Variants in FBXL17 observed in about 807,000 individuals in gnomAD.
FBXL17 encodes F-box and leucine rich repeat protein 17.
In FBXL17, 22 loss-of-function variants were observed where a neutral mutation model predicts 66.2. That is an observed-to-expected ratio of 0.33 (90% CI 0.24 to 0.47). The LOEUF (loss-of-function observed/expected upper bound fraction) is 0.47. Among genes scored for constraint, FBXL17 ranks in the 20% least tolerant of loss-of-function variants. The probability of loss-of-function intolerance (pLI) is 1.00; values close to 1 mark genes in which losing one functional copy is unlikely to be tolerated. For synonymous variants in FBXL17, 474 were observed against 400.5 expected (o/e 1.18, Z -2.19); for missense variants, 878 against 948.2 (o/e 0.93, Z 0.97).
intron 7 of FBXL17, among the ~76,000 whole-genome samples, chr5:107,903,255 C>T (rs893459280): frequency 1.3e-5 from 2 of 152,094 alleles, no homozygotes; most frequent in African/African-American, 4.8e-5. Context: ...TTACTTGATA[C>T]ACCTTTAAAA....
chr5:107,903,384 C>T (rs577560708), intron 7 of FBXL17, among the ~76,000 whole-genome samples: 2 of 152,248 alleles, frequency 1.3e-5, no homozygotes, highest in South Asian at 2.1e-4. Flanking sequence ...GAAACAGTAT[C>T]TCATCCTCAC....
At chr5:108,326,410 T>C (rs1759854371) in intron 4 of FBXL17, among the ~76,000 whole-genome samples, 1 of 151,616 alleles carries the variant, frequency 6.6e-6, no homozygotes, top group Admixed American at 6.6e-5. Flanking sequence ...CTGGCCAATA[T>C]GGTGAAACCC....
intron 7 of FBXL17, among the ~76,000 whole-genome samples, chr5:108,005,781 G>A (rs535765439): frequency 2.2e-4 from 33 of 152,310 alleles, no homozygotes; most frequent in Admixed American, 9.8e-4. Context: ...GACTTATAAC[G>A]TGTGGCAATT....
At chr5:108,030,008 G>T (rs1293013750) in intron 6 of FBXL17, among the ~76,000 whole-genome samples, 1 of 152,050 alleles carries the variant, frequency 6.6e-6, no homozygotes, top group Non-Finnish European at 1.5e-5. Flanking sequence ...CAAAAACTTG[G>T]TTATAAATAA....
chr5:107,930,915 C>A (rs1378576207), intron 7 of FBXL17, among the ~76,000 whole-genome samples: 1 of 152,152 alleles, frequency 6.6e-6, no homozygotes, highest in East Asian at 1.9e-4. Flanking sequence ...TTGACATTTT[C>A]TATTGATTGT....
At chr5:108,301,563 A>C in intron 4 of FBXL17, among the ~76,000 whole-genome samples, 1 of 151,834 alleles carries the variant, frequency 6.6e-6, no homozygotes, top group East Asian at 1.9e-4. Flanking sequence ...ACTGTGGTTA[A>C]CTTCTAGGGC....
chr5:108,230,943 AT>A (rs1192920943), intron 4 of FBXL17, among the ~76,000 whole-genome samples: 1 of 119,194 alleles, frequency 8.4e-6, no homozygotes, highest in Non-Finnish European at 2.0e-5. Flanking sequence ...AGTTATGGAA[AT>A]TTTTTTTAAA....
At chr5:108,205,028 A>G (rs1253625243) in intron 5 of FBXL17, among the ~76,000 whole-genome samples, 3 of 151,936 alleles carry the variant, frequency 2.0e-5, no homozygotes, top group Non-Finnish European at 4.4e-5. Flanking sequence ...CCCTCATTTC[A>G]GCCTTCCAAG....
intron 7 of FBXL17, among the ~76,000 whole-genome samples, chr5:107,938,397 G>C (rs759776631): frequency 6.6e-6 from 1 of 152,120 alleles, no homozygotes; most frequent in African/African-American, 2.4e-5. Flanking sequence ...CATGGTTCTA[G>C]GCATCAAAGT....
chr5:108,102,186 G>A (rs1423704759), intron 6 of FBXL17, among the ~76,000 whole-genome samples: 1 of 152,182 alleles, frequency 6.6e-6, no homozygotes, highest in African/African-American at 2.4e-5. Context: ...AATCTGGAGA[G>A]ATACAGAGGG....
At chr5:108,121,563 ATT>A (rs780654824) in intron 6 of FBXL17, among the ~76,000 whole-genome samples, 1 of 146,718 alleles carries the variant, frequency 6.8e-6, no homozygotes. Flanking sequence ...TATATTTACA[ATT>A]TTTTTTTTTT....
At chr5:108,068,678 C>T (rs926642897) in intron 6 of FBXL17, among the ~76,000 whole-genome samples, 2 of 151,948 alleles carry the variant, frequency 1.3e-5, no homozygotes, top group East Asian at 1.9e-4. Context: ...AGGATGGTCT[C>T]GATCTCCTGA....
intron 7 of FBXL17, among the ~76,000 whole-genome samples, chr5:107,927,428 G>A (rs1427131105): frequency 1.3e-5 from 2 of 152,058 alleles, no homozygotes; most frequent in Non-Finnish European, 2.9e-5. Flanking sequence ...AAGACTCTTT[G>A]GTAGAAGGCT....
chr5:108,319,039 A>G (rs573502633), intron 4 of FBXL17, among the ~76,000 whole-genome samples: 1 of 152,018 alleles, frequency 6.6e-6, no homozygotes, highest in South Asian at 2.1e-4. Context: ...ACTCCCCTGA[A>G]AGACACAAGG....
intron 7 of FBXL17, among the ~76,000 whole-genome samples, chr5:107,982,067 A>T (rs1300004424): frequency 6.6e-6 from 1 of 152,234 alleles, no homozygotes; most frequent in African/African-American, 2.4e-5. Flanking sequence ...GAATATAATG[A>T]TAGCTTAATG....
At chr5:108,003,061 T>G (rs990487885) in intron 7 of FBXL17, among the ~76,000 whole-genome samples, 2 of 152,358 alleles carry the variant, frequency 1.3e-5, no homozygotes, top group African/African-American at 4.8e-5. Context: ...TAAAGCTGTT[T>G]AAACAAATGA....
At chr5:107,982,208 A>C (rs1286063817) in intron 7 of FBXL17, among the ~76,000 whole-genome samples, 1 of 152,186 alleles carries the variant, frequency 6.6e-6, no homozygotes, top group Non-Finnish European at 1.5e-5. Flanking sequence ...TTAGTACATA[A>C]ATAAATTTTC....
chr5:108,009,261 T>TTATATATATATA (rs375853217), intron 7 of FBXL17, among the ~76,000 whole-genome samples: 11 of 20,858 alleles, frequency 5.3e-4, no homozygotes, highest in Non-Finnish European at 6.8e-4. Context: ...GTTCCCTGTT[T>TTATATATATATA]TATATATATA....
chr5:108,029,874 C>T (rs1273861489), intron 6 of FBXL17, among the ~76,000 whole-genome samples: 1 of 151,814 alleles, frequency 6.6e-6, no homozygotes, highest in East Asian at 1.9e-4. Flanking sequence ...CCAGAAGAGG[C>T]TATTGAATCT....
Sources: allele counts gnomAD v4.1 joint callset (sites outside exome capture counted in the v4.1 genomes callset), GRCh38; gene constraint gnomAD v4.1.1; transcripts MANE v1.5; gene names NCBI Gene and HGNC (gene_info 2026-07-23, HGNC 2026-07-21).